The following GPR137C variants were observed in gnomAD, a reference collection of about 807,000 sequenced individuals.
GPR137C encodes integral membrane protein GPR137C.
Under a neutral mutation model 43.4 loss-of-function variants are expected in GPR137C, and 27 were observed. That is an observed-to-expected ratio of 0.62 (90% CI 0.46 to 0.86). GPR137C has a LOEUF of 0.86. Ranked by LOEUF, GPR137C falls within the 40% of genes least tolerant of loss-of-function variation. The probability of loss-of-function intolerance (pLI) is 0.00; values close to 1 mark genes in which losing one functional copy is unlikely to be tolerated. For missense variants in GPR137C, 522 were observed against 534.6 expected, an observed-to-expected ratio of 0.98 and a Z score of 0.23; for synonymous variants, 285 against 226.9, an observed-to-expected ratio of 1.26 and a Z score of -2.30.
At chr14:52,607,189 A>G (rs1268074803) in intron 3 of GPR137C, among the ~76,000 whole-genome samples, 1 of 152,162 alleles carries the variant, frequency 6.6e-6, no homozygotes, top group Non-Finnish European at 1.5e-5. Context: ...ATTTGTTGAG[A>G]CTTGTTTTCT....
At chr14:52,585,804 C>T (rs964277958) in intron 1 of GPR137C, among the ~76,000 whole-genome samples, 1 of 151,882 alleles carries the variant, frequency 6.6e-6, no homozygotes, top group Non-Finnish European at 1.5e-5. Context: ...CACTGCATTC[C>T]AACCTGGGCG....
intron 1 of GPR137C, among the ~76,000 whole-genome samples, chr14:52,568,877 C>G (rs1375946064): frequency 2.0e-5 from 3 of 152,240 alleles, no homozygotes; most frequent in Non-Finnish European, 4.4e-5. Context: ...CTTCAGCAGA[C>G]TTAAACATTA....
At chr14:52,612,224 T>C in intron 3 of GPR137C, 1 of 982,310 alleles carries the variant, frequency 1.0e-6, no homozygotes, top group South Asian at 4.7e-5. Context: ...CCACTGACAC[T>C]TAACTGTATT....
chr14:52,615,619 G>A (rs1298884443), intron 3 of GPR137C, among the ~76,000 whole-genome samples: 1 of 151,934 alleles, frequency 6.6e-6, no homozygotes, highest in African/African-American at 2.4e-5. Flanking sequence ...CATTTATTTG[G>A]TGTCCTCTTC....
chr14:52,554,769 C>G (rs1323353253), intron 1 of GPR137C, among the ~76,000 whole-genome samples: 1 of 151,850 alleles, frequency 6.6e-6, no homozygotes, highest in East Asian at 1.9e-4. Flanking sequence ...TAAACCAACT[C>G]TTTTCTCCTT....
intron 1 of GPR137C, among the ~76,000 whole-genome samples, chr14:52,582,974 G>T (rs1436136059): frequency 6.6e-6 from 1 of 151,454 alleles, no homozygotes; most frequent in Non-Finnish European, 1.5e-5. Context: ...TCTGTATATG[G>T]GATAAAAGTA....
intron 3 of GPR137C, among the ~76,000 whole-genome samples, chr14:52,628,471 A>G (rs567531162): frequency 6.6e-6 from 1 of 152,342 alleles, no homozygotes; most frequent in South Asian, 2.1e-4. Context: ...GAAAAAAATA[A>G]GTTGATAAAT....
At chr14:52,578,719 T>A (rs2038600592) in intron 1 of GPR137C, among the ~76,000 whole-genome samples, 1 of 152,096 alleles carries the variant, frequency 6.6e-6, no homozygotes, top group Non-Finnish European at 1.5e-5. Context: ...GCGGATCACC[T>A]GAGCACCTGA....
chr14:52,598,134 T>C (rs1163201076), intron 1 of GPR137C, 138 bp from the exon 2 acceptor site: 2 of 435,030 alleles, frequency 4.6e-6, no homozygotes, highest in Non-Finnish European at 8.4e-6. Flanking sequence ...TAGTTTATGG[T>C]AGCTCAACTG....
At chr14:52,613,754 A>G (rs938613970) in intron 3 of GPR137C, 5 of 225,952 alleles carry the variant, frequency 2.2e-5, no homozygotes, top group Non-Finnish European at 4.6e-5. Context: ...TCATGTGTTG[A>G]TGGACACTTA....
rs144990536 is a variant in GPR137C, at chr14:52,584,263, T to G, written c.445-14009T>G. On this transcript the variant is annotated intron_variant, in intron 1 of 6. Transcript: ENST00000321662. Reference sequence around the variant, plus strand: ...TAAGTTTATTCAGGAATGAGAATGATTATAATCCAGGTTATATGTGCTAAG... The same window carrying G: ...TAAGTTTATTCAGGAATGAGAATGAGTATAATCCAGGTTATATGTGCTAAG... 3.2e-3 allele frequency among the ~76,000 whole-genome samples: 487 copies of G among 152,342 alleles called. 4 individuals are homozygous for G. Among genetic ancestry groups the G allele is most frequent in the African/African-American group, 0.011 (475 of 41,586 alleles).
Position 52,579,054 on chromosome 14 carries a change from C to G in GPR137C, c.445-19218C>G, listed in dbSNP as rs371659995. Among the ~76,000 whole-genome samples the G allele has an allele frequency of 5.9e-5, 9 of 152,132 alleles. No individual in the cohort carries two copies. In the East Asian group the frequency reaches 1.7e-3, roughly 29 times the overall value. ...ACTATTTGTTACAGAACCCCCGTTG[C>G]TAGTATGTTTAGATCTTTCTTCTTG... On this transcript the variant is annotated intron_variant, in intron 1 of 6. Transcript: ENST00000321662.
Position 52,571,230 on chromosome 14 carries a change from A to G in GPR137C, c.444+17639A>G, listed in dbSNP as rs142946445. On this transcript the variant is annotated intron_variant, in intron 1 of 6. Coordinates refer to ENST00000321662, the MANE Select transcript of GPR137C (RefSeq NM_001099652.2). Reference sequence around the variant, plus strand: ...TGAAAACTGAACAACCTGCTCCTGAATGACAACTGGGTAAATAACAAAATG... The same window carrying G: ...TGAAAACTGAACAACCTGCTCCTGAGTGACAACTGGGTAAATAACAAAATG... 5.8e-3 allele frequency among the ~76,000 whole-genome samples: 889 copies of G among 152,344 alleles called. 11 individuals are homozygous for G. The highest frequency in any genetic ancestry group is 0.02 in the African/African-American group (840 of 41,572).
intron 3 of GPR137C, among the ~76,000 whole-genome samples, chr14:52,609,824 G>C (rs2039019542): frequency 6.6e-6 from 1 of 152,188 alleles, no homozygotes; most frequent in African/African-American, 2.4e-5. Flanking sequence ...ATTTACACAG[G>C]AGTAGGTGGA....
chr14:52,633,629 C>A lies in GPR137C; in HGVS notation c.967C>A (p.Arg323=). Residue 323 remains arginine, a synonymous_variant, in exon 5 of 7, where the codon CGG becomes AGG. Coordinates refer to ENST00000321662, the MANE Select transcript of GPR137C (RefSeq NM_001099652.2). ...AGCATGGTCGGTGGTACTGTTTTTC[C>A]GGGCACAGAGATTAAACCAGAATTT... is the stretch of plus-strand genomic sequence containing the variant. ...VPAWSVVLFF[R]AQRLNQNLAP... is the part of the protein sequence containing the mutation. 3 of 1,613,056 alleles carry A rather than the reference C, an allele frequency of 1.9e-6. No individual in the cohort carries two copies. The Middle Eastern group carries it at 5.0e-4, about 266-fold the overall frequency.
At chr14:52,605,669 T>C (rs903764276) in intron 3 of GPR137C, among the ~76,000 whole-genome samples, 2 of 152,182 alleles carry the variant, frequency 1.3e-5, no homozygotes, top group African/African-American at 4.8e-5. Flanking sequence ...TTCAATATAG[T>C]ATTAGTTGTG....
chr14:52,585,705 A>G (rs759697830), intron 1 of GPR137C, among the ~76,000 whole-genome samples: 4 of 152,020 alleles, frequency 2.6e-5, no homozygotes, highest in Non-Finnish European at 5.9e-5. Context: ...TATGGTGGCA[A>G]GCGCCTGCAG....
chr14:52,576,617 C>T (rs2038556526), intron 1 of GPR137C, among the ~76,000 whole-genome samples: 1 of 152,142 alleles, frequency 6.6e-6, no homozygotes, highest in Admixed American at 6.5e-5. Flanking sequence ...CCACTTACAT[C>T]ACTATATACA....
At chr14:52,568,722 T>G (rs1288967115) in intron 1 of GPR137C, among the ~76,000 whole-genome samples, 1 of 152,190 alleles carries the variant, frequency 6.6e-6, no homozygotes, top group African/African-American at 2.4e-5. Flanking sequence ...GCAAAGCCAA[T>G]GTAGCCAGAC....
Sources: gnomAD v4.1 joint callset for allele counts (sites outside exome capture counted in the v4.1 genomes callset) on GRCh38, gnomAD v4.1.1 for gene constraint, MANE v1.5 for transcripts, NCBI Gene and HGNC (gene_info 2026-07-23, HGNC 2026-07-21) for gene names.